BRINP3: variants seen among roughly 807,000 people sequenced by gnomAD.
The protein encoded by BRINP3 is BMP/retinoic acid inducible neural specific 3.
A neutral mutation model predicts 71.0 loss-of-function variants in BRINP3; 19 were observed. The observed-to-expected ratio is 0.27, with a 90% CI of 0.19 to 0.39. BRINP3 has a LOEUF of 0.39. Ranked by LOEUF, BRINP3 falls within the 10% of genes least tolerant of loss-of-function variation. The pLI is 1.00. For missense variants in BRINP3, 959 were observed against 940.8 expected (o/e 1.02, Z -0.25); for synonymous variants, 380 against 337.7 (o/e 1.13, Z -1.37).
intron 7 of BRINP3, among the ~76,000 whole-genome samples, chr1:190,135,943 G>A (rs554567717): frequency 6.6e-6 from 1 of 151,968 alleles, no homozygotes; most frequent in African/African-American, 2.4e-5. Context: ...TACTATAGTA[G>A]CTAACTTCTT....
intron 2 of BRINP3, among the ~76,000 whole-genome samples, chr1:190,347,974 G>A (rs762020490): frequency 6.6e-6 from 1 of 152,076 alleles, no homozygotes; most frequent in Non-Finnish European, 1.5e-5. Context: ...TCATAAGTAG[G>A]AGCATAAGTT....
intron 2 of BRINP3, among the ~76,000 whole-genome samples, chr1:190,336,325 G>C (rs1667282835): frequency 6.6e-6 from 1 of 151,920 alleles, no homozygotes; most frequent in Admixed American, 6.6e-5. Context: ...TACCTTCTTT[G>C]ACAAATGAAA....
intron 3 of BRINP3, among the ~76,000 whole-genome samples, chr1:190,267,328 G>T (rs968206979): frequency 6.6e-6 from 1 of 151,846 alleles, no homozygotes; most frequent in African/African-American, 2.4e-5. Context: ...AAACCTAAAA[G>T]TTAACAGAAA....
intron 7 of BRINP3, among the ~76,000 whole-genome samples, chr1:190,142,007 A>C (rs1655495984): frequency 6.6e-6 from 1 of 152,182 alleles, no homozygotes; most frequent in Non-Finnish European, 1.5e-5. Flanking sequence ...TGAAAAGAAA[A>C]AACATATATA....
intron 7 of BRINP3, among the ~76,000 whole-genome samples, chr1:190,152,546 C>A: frequency 7.0e-6 from 1 of 142,110 alleles, no homozygotes; most frequent in Admixed American, 7.2e-5. Context: ...CCCCCCGCCC[C>A]CCAAAAAAGC....
At chr1:190,334,189 G>T (rs1168730243) in intron 2 of BRINP3, among the ~76,000 whole-genome samples, 1 of 151,690 alleles carries the variant, frequency 6.6e-6, no homozygotes, top group African/African-American at 2.4e-5. Flanking sequence ...GGGTGGAGTG[G>T]CAAATAAAGC....
At chr1:190,434,141 T>C (rs900355023) in intron 2 of BRINP3, among the ~76,000 whole-genome samples, 2 of 152,016 alleles carry the variant, frequency 1.3e-5, no homozygotes, top group Admixed American at 1.3e-4. Flanking sequence ...TATTTTGAGA[T>C]GAAGTCTTGT....
At position 190,385,974 on chromosome 1, in the gene BRINP3, C is replaced by T. The variant is rs1157090562; in HGVS notation, c.236+68681G>A. On this transcript the variant is annotated intron_variant, in intron 2 of 7. Transcript: ENST00000367462. The stretch of plus-strand genomic sequence containing the variant: ...GAAATCATCATTCTCAGTAAACTAT[C>T]GCAAGAACAAAAAACCAAACACCGC... Among the ~76,000 whole-genome samples the T allele has an allele frequency of 5.4e-5, 8 of 147,248 alleles. No homozygotes were observed. The East Asian group carries it at 1.0e-3, about 19-fold the overall frequency.
intron 7 of BRINP3, among the ~76,000 whole-genome samples, chr1:190,104,034 G>A (rs1300009143): frequency 6.6e-6 from 1 of 151,646 alleles, no homozygotes; most frequent in Admixed American, 6.6e-5. Context: ...GCATTAGAAT[G>A]AAGACAAACT....
intron 6 of BRINP3, among the ~76,000 whole-genome samples, chr1:190,189,378 T>C (rs815348): frequency 0.61 from 93,103 of 151,942 alleles, 29,928 homozygotes; most frequent in African/African-American, 0.83. Flanking sequence ...GTAGGTCTAA[T>C]GTATAAATGA....
intron 2 of BRINP3, chr1:190,302,912 GATAATA>G (rs764679573): frequency 1.3e-5 from 2 of 151,608 alleles, no homozygotes; most frequent in Admixed American, 6.6e-5. Context: ...AATTAATGAT[GATAATA>G]ATAATAATCT....
At chr1:190,400,336 T>G (rs1054385728) in intron 2 of BRINP3, among the ~76,000 whole-genome samples, 1 of 152,160 alleles carries the variant, frequency 6.6e-6, no homozygotes, top group African/African-American at 2.4e-5. Context: ...ATTGAAATAG[T>G]ATAAGACAAT....
At chr1:190,215,407 T>C (rs1656327029) in intron 6 of BRINP3, among the ~76,000 whole-genome samples, 1 of 151,936 alleles carries the variant, frequency 6.6e-6, no homozygotes, top group African/African-American at 2.4e-5. Flanking sequence ...GATTATAACA[T>C]GTAAAGTAGC....
intron 6 of BRINP3, among the ~76,000 whole-genome samples, chr1:190,180,014 G>A (rs1652887564): frequency 6.6e-6 from 1 of 152,084 alleles, no homozygotes; most frequent in South Asian, 2.1e-4. Context: ...TAATGTGTCA[G>A]CCCTCCTTTT....
intron 2 of BRINP3, among the ~76,000 whole-genome samples, chr1:190,440,074 T>G (rs1285482419): frequency 6.6e-6 from 1 of 151,992 alleles, no homozygotes; most frequent in Non-Finnish European, 1.5e-5. Flanking sequence ...ATGTATTCAT[T>G]GATTGTATAA....
At position 190,426,100 on chromosome 1, in the gene BRINP3, G is replaced by T. The variant is rs187850507; in HGVS notation, c.236+28555C>A. On this transcript the variant is annotated intron_variant, in intron 2 of 7. Coordinates refer to ENST00000367462, the MANE Select transcript of BRINP3 (RefSeq NM_199051.3). ...AATATTATAATAAAATCTGAGGATT[G>T]TAAAAGTTCATATATATCCTTTATT... Among the ~76,000 whole-genome samples the T allele has an allele frequency of 1.4e-4, 22 of 151,906 alleles. No homozygotes were observed. The East Asian group carries it at 4.3e-3, about 29-fold the overall frequency.
chr1:190,154,931 C>A (rs538285074), intron 7 of BRINP3, among the ~76,000 whole-genome samples: 1 of 152,178 alleles, frequency 6.6e-6, no homozygotes, highest in South Asian at 2.1e-4. Flanking sequence ...GAGGCTGTTG[C>A]TTCAGGACAA....
At chr1:190,381,495 T>C (rs1218226759) in intron 2 of BRINP3, among the ~76,000 whole-genome samples, 2 of 152,194 alleles carry the variant, frequency 1.3e-5, no homozygotes, top group African/African-American at 2.4e-5. Flanking sequence ...AGAAAATGTA[T>C]GCATGTATTT....
At chr1:190,190,473 T>C (rs1333162862) in intron 6 of BRINP3, among the ~76,000 whole-genome samples, 1 of 152,172 alleles carries the variant, frequency 6.6e-6, no homozygotes, top group Non-Finnish European at 1.5e-5. Context: ...GGTACATTTG[T>C]GCATGAGTAG....
Sources: allele counts gnomAD v4.1 joint callset (sites outside exome capture counted in the v4.1 genomes callset), GRCh38; gene constraint gnomAD v4.1.1; transcripts MANE v1.5; gene names NCBI Gene and HGNC (gene_info 2026-07-23, HGNC 2026-07-21).